CAMSAP1: variants seen among roughly 807,000 people sequenced by gnomAD.
CAMSAP1 encodes the protein calmodulin-regulated spectrin-associated protein 1.
Under a neutral mutation model 143.5 loss-of-function variants are expected in CAMSAP1, and 58 were observed. The ratio of observed to expected loss-of-function variants is 0.40; its 90% CI spans 0.33 to 0.50. The LOEUF (loss-of-function observed/expected upper bound fraction) is 0.50. CAMSAP1 is among the 20% of genes least tolerant of loss of function. The pLI, the probability that CAMSAP1 is intolerant of heterozygous loss-of-function variation, is 0.45. For synonymous variants in CAMSAP1, 945 were observed against 859.3 expected (o/e 1.10, Z -1.74); for missense variants, 1,969 against 2,115.7 (o/e 0.93, Z 1.36).
At position 135,882,707 on chromosome 9, in the gene CAMSAP1, A is replaced by T. The variant is rs1475706567; in HGVS notation, c.423+109T>A. 7.5e-7 allele frequency: 1 copy of T among 1,334,766 alleles called. No homozygotes were observed. Among genetic ancestry groups the T allele is most frequent in the African/African-American group, 1.5e-5 (1 of 68,322 alleles). 82.7% of individuals were successfully genotyped at this position (1,334,766 alleles called of 1,614,324 possible). ...CCAGTGTGCAAAAGCACGGGTCTCC[A>T]CCACCTCGCCGCACACCGTGTTCAC... On this transcript the variant is annotated intron_variant, in intron 2 of 16. Transcript: ENST00000389532. This position sits in a 1 kb window ranked among gnomAD's most constrained non-coding sequence, Gnocchi z 4.9.
intron 3 of CAMSAP1, among the ~76,000 whole-genome samples, chr9:135,880,109 A>C (rs903727917): frequency 6.6e-6 from 1 of 152,138 alleles, no homozygotes; most frequent in Non-Finnish European, 1.5e-5. Context: ...GTCATTTCTA[A>C]TACGAGGAAA....
intron 4 of CAMSAP1, chr9:135,865,203 C>T: frequency 1.1e-6 from 1 of 880,522 alleles, no homozygotes; most frequent in Non-Finnish European, 1.8e-6. Flanking sequence ...ATATAAATAA[C>T]TCCAAGGTGG....
intron 1 of CAMSAP1, among the ~76,000 whole-genome samples, chr9:135,905,074 G>A (rs751739222): frequency 6.6e-6 from 1 of 152,116 alleles, no homozygotes; most frequent in Admixed American, 6.5e-5. Context: ...CTAAGATGGT[G>A]TCCAGTCTTC....
chr9:135,811,544 G>A lies in CAMSAP1; in HGVS notation c.4574C>T (p.Ala1525Val), dbSNP rs1404722706. The change falls in exon 17 of 17, where the codon GCG becomes GTG. Residue 1525 changes from alanine (A) to valine (V), a missense_variant. Ala to Val is a moderately conservative substitution (Grantham distance 64, BLOSUM62 0). Around this residue, in one of 4 missense-constraint regions of CAMSAP1, gnomAD observed 143 missense variants for 200.6 expected, o/e 0.71. Transcript: ENST00000389532. The surrounding 1 kb of genome is among the most constrained non-coding windows in gnomAD (Gnocchi z 4.9). ...LFRDAGCQFR[A>V]LYCYYPDTEE... The stretch of plus-strand genomic sequence containing the variant: ...AGTATCAGGATAGTAGCAGTAAAGC[G>A]CCCTGAACTGGCAGCCAGCATCACG... The A allele has an allele frequency of 3.7e-6, 6 of 1,604,752 alleles. No individual in the cohort carries two copies. Among genetic ancestry groups the A allele is most frequent in the East Asian group, 2.2e-5 (1 of 44,632 alleles).
intron 7 of CAMSAP1, among the ~76,000 whole-genome samples, chr9:135,841,454 G>A (rs971331135): frequency 1.3e-5 from 2 of 152,212 alleles, no homozygotes; most frequent in Non-Finnish European, 2.9e-5. Context: ...CCGCCTGCTG[G>A]CTCTGAAGAG....
chr9:135,902,180 G>A (rs990171674), intron 1 of CAMSAP1, among the ~76,000 whole-genome samples: 4 of 152,210 alleles, frequency 2.6e-5, no homozygotes, highest in East Asian at 1.9e-4. Flanking sequence ...AGGTGCTCAG[G>A]AAGCATTTGA....
intron 7 of CAMSAP1, among the ~76,000 whole-genome samples, chr9:135,830,387 T>C (rs960870151): frequency 7.2e-5 from 11 of 152,150 alleles, no homozygotes; most frequent in African/African-American, 2.7e-4. Context: ...CGCATGCAAA[T>C]GGTAACCCAA....
At chr9:135,878,395 T>G (rs57413958) in intron 3 of CAMSAP1, among the ~76,000 whole-genome samples, 56,662 of 151,764 alleles carry the variant, frequency 0.37, 11,906 homozygotes, top group African/African-American at 0.58. Context: ...AAGGAGGGAT[T>G]ACCCAGGTGT....
intron 3 of CAMSAP1, among the ~76,000 whole-genome samples, chr9:135,881,333 G>C (rs555703660): frequency 6.6e-6 from 1 of 151,972 alleles, no homozygotes; most frequent in South Asian, 2.1e-4. Context: ...ACTCCAGCCT[G>C]GGGGACAAAG....
chr9:135,870,268 A>T (rs1837526233), intron 3 of CAMSAP1, among the ~76,000 whole-genome samples: 1 of 152,070 alleles, frequency 6.6e-6, no homozygotes, highest in Non-Finnish European at 1.5e-5. Flanking sequence ...CTCTCACAAG[A>T]TGTGATGGTT....
In CAMSAP1 at chr9:135,821,545, AGGATG is replaced by A; in HGVS notation, c.3111_3115del (p.Ile1038GlufsTer22). ...CTGCTCTTGCTGCTGAGAGATTTTC[AGGATG>A]GCCTGCTGCAGCGTACTGATGGTTT... On this transcript the variant is annotated frameshift_variant, in exon 11 of 17. Coordinates refer to ENST00000389532, the MANE Select transcript of CAMSAP1 (RefSeq NM_015447.4). LOFTEE classifies it high-confidence loss of function. This position sits in a 1 kb window ranked among gnomAD's most constrained non-coding sequence, Gnocchi z 4.6. 1 of 1,613,960 alleles carries A rather than the reference AGGATG, an allele frequency of 6.2e-7. No individual in the cohort carries two copies. The highest frequency in any genetic ancestry group is 8.5e-7 in the Non-Finnish European group (1 of 1,179,884).
At chr9:135,849,078 GC>G (rs1836679621) in intron 7 of CAMSAP1, among the ~76,000 whole-genome samples, 1 of 152,244 alleles carries the variant, frequency 6.6e-6, no homozygotes, top group Non-Finnish European at 1.5e-5. Context: ...ATGGGGTCAT[GC>G]CCCAATAAAC....
chr9:135,889,583 G>C, intron 1 of CAMSAP1, among the ~76,000 whole-genome samples: 1 of 152,350 alleles, frequency 6.6e-6, no homozygotes, highest in East Asian at 1.9e-4. Flanking sequence ...CAGAGGCCAC[G>C]TGCTGGTGAG....
At chr9:135,901,107 T>C (rs1838604790) in intron 1 of CAMSAP1, among the ~76,000 whole-genome samples, 1 of 152,188 alleles carries the variant, frequency 6.6e-6, no homozygotes, top group Non-Finnish European at 1.5e-5. Context: ...AAAAATGCTA[T>C]GAAATAATGA....
chr9:135,846,648 T>A (rs1374652771), intron 7 of CAMSAP1, among the ~76,000 whole-genome samples: 1 of 111,410 alleles, frequency 9.0e-6, no homozygotes, highest in Non-Finnish European at 1.7e-5. Flanking sequence ...AGGGCTAATA[T>A]CCAGAATCTA....
chr9:135,808,559 T>C lies in CAMSAP1; in HGVS notation c.*2750A>G, dbSNP rs993916771. ...AGTGACAACTACAATTTCAGGGAGG[T>C]AAAAGTATAACCTAGAAGTAATTTA... On this transcript the variant is annotated 3_prime_UTR_variant, in exon 17 of 17. Coordinates refer to ENST00000389532, the MANE Select transcript of CAMSAP1 (RefSeq NM_015447.4). 1 of 152,184 alleles carries C rather than the reference T, an allele frequency of 6.6e-6. No individual in the cohort carries two copies. Among genetic ancestry groups the C allele is most frequent in the Non-Finnish European group, 1.5e-5 (1 of 68,034 alleles). The allele number at this position is 152,184 out of a possible 1,614,324, so 9.4% of individuals were successfully genotyped here. A position where few individuals can be genotyped will look rare whatever the true frequency, so the allele number is the denominator to read the frequency against.
intron 16 of CAMSAP1, among the ~76,000 whole-genome samples, chr9:135,812,503 C>T (rs1040088357): frequency 3.3e-5 from 5 of 151,930 alleles, no homozygotes; most frequent in South Asian, 2.1e-4. Context: ...AGCTTGGGCG[C>T]GGGAAGACTT....
intron 7 of CAMSAP1, among the ~76,000 whole-genome samples, chr9:135,843,159 C>T (rs1250071411): frequency 6.6e-6 from 1 of 152,098 alleles, no homozygotes; most frequent in East Asian, 1.9e-4. Flanking sequence ...GAAACCCCGT[C>T]TCTACTAAAA....
chr9:135,842,517 G>C (rs1023586518), intron 7 of CAMSAP1, among the ~76,000 whole-genome samples: 7 of 152,124 alleles, frequency 4.6e-5, no homozygotes, highest in African/African-American at 1.4e-4. Flanking sequence ...TCCACGAGAA[G>C]AGCAACCCCA....
Sources: allele counts gnomAD v4.1 joint callset (sites outside exome capture counted in the v4.1 genomes callset), GRCh38; gene constraint gnomAD v4.1.1; regional missense constraint gnomAD v4.1.1; non-coding constraint Gnocchi (gnomAD v3.1); transcripts MANE v1.5; gene names NCBI Gene and HGNC (gene_info 2026-07-23, HGNC 2026-07-21).